The following AGBL4 variants were observed in gnomAD, a reference collection of about 807,000 sequenced individuals.
AGBL4 encodes the protein AGBL carboxypeptidase 4, also known as cytosolic carboxypeptidase 6.
In AGBL4, 58 loss-of-function variants were observed where a neutral mutation model predicts 66.4. The observed-to-expected ratio is 0.87, with a 90% CI of 0.71 to 1.09. AGBL4 has a LOEUF of 1.09. Ranked by LOEUF, AGBL4 falls within the 50% of genes least tolerant of loss-of-function variation. The pLI is 0.00. For missense variants in AGBL4, 579 were observed against 631.0 expected (o/e 0.92, Z 0.88); for synonymous variants, 234 against 222.9 (o/e 1.05, Z -0.44).
chr1:49,444,834 T>C (rs1184686902), intron 3 of AGBL4, among the ~76,000 whole-genome samples: 3 of 152,222 alleles, frequency 2.0e-5, no homozygotes, highest in Non-Finnish European at 4.4e-5. Flanking sequence ...TTGTTTTATA[T>C]ATTCTTTGTT....
intron 1 of AGBL4, among the ~76,000 whole-genome samples, chr1:49,980,064 T>C (rs945177951): frequency 6.6e-6 from 1 of 152,110 alleles, no homozygotes; most frequent in Non-Finnish European, 1.5e-5. Context: ...CAGTATATAA[T>C]ATATATACAA....
chr1:49,267,426 A>G (rs540891175), intron 3 of AGBL4, among the ~76,000 whole-genome samples: 1 of 152,172 alleles, frequency 6.6e-6, no homozygotes, highest in Non-Finnish European at 1.5e-5. Flanking sequence ...CACGCCTATA[A>G]TCCCAGCACT....
At chr1:48,830,009 G>T (rs1390104657) in intron 6 of AGBL4, among the ~76,000 whole-genome samples, 1 of 152,092 alleles carries the variant, frequency 6.6e-6, no homozygotes, top group Non-Finnish European at 1.5e-5. Flanking sequence ...TCAACTCAAG[G>T]CTTGGTACCC....
chr1:48,609,688 G>A (rs960303473), intron 9 of AGBL4, among the ~76,000 whole-genome samples: 1 of 152,184 alleles, frequency 6.6e-6, no homozygotes, highest in African/African-American at 2.4e-5. Context: ...CTCCCAAAGT[G>A]CTGGGATTAC....
intron 4 of AGBL4, among the ~76,000 whole-genome samples, chr1:49,098,426 A>G (rs1416687667): frequency 1.3e-5 from 2 of 152,238 alleles, no homozygotes; most frequent in African/African-American, 4.8e-5. Flanking sequence ...GGTTTAGGAC[A>G]GGGCTGGAAC....
chr1:49,924,109 A>G (rs1413554333), intron 1 of AGBL4, among the ~76,000 whole-genome samples: 2 of 152,238 alleles, frequency 1.3e-5, no homozygotes, highest in African/African-American at 4.8e-5. Flanking sequence ...AAAATGTGGT[A>G]CATATATACA....
intron 6 of AGBL4, among the ~76,000 whole-genome samples, chr1:48,856,290 G>A (rs1458923784): frequency 6.6e-6 from 1 of 152,154 alleles, no homozygotes; most frequent in Non-Finnish European, 1.5e-5. Flanking sequence ...GAAAAAAGAT[G>A]TATATAAAAC....
At chr1:49,934,988 A>T (rs1653794478) in intron 1 of AGBL4, among the ~76,000 whole-genome samples, 1 of 152,242 alleles carries the variant, frequency 6.6e-6, no homozygotes, top group Admixed American at 6.5e-5. Flanking sequence ...GGCACAGGAC[A>T]GTGGGTGCAG....
At chr1:49,849,717 G>A (rs1646258343) in intron 2 of AGBL4, among the ~76,000 whole-genome samples, 2 of 151,848 alleles carry the variant, frequency 1.3e-5, no homozygotes, top group African/African-American at 4.8e-5. Flanking sequence ...TTATTTATTT[G>A]GTGATTACAT....
chr1:49,822,236 C>A (rs1243950737), intron 2 of AGBL4, among the ~76,000 whole-genome samples: 1 of 151,960 alleles, frequency 6.6e-6, no homozygotes, highest in Non-Finnish European at 1.5e-5. Context: ...GGTATATTTC[C>A]ATCCGGGTCA....
chr1:49,288,538 T>C (rs1434675486), intron 3 of AGBL4, among the ~76,000 whole-genome samples: 5 of 152,148 alleles, frequency 3.3e-5, no homozygotes, highest in Non-Finnish European at 7.4e-5. Context: ...CAAAATTCTG[T>C]GCAATTTTCC....
chr1:49,793,707 A>G (rs961800931), intron 2 of AGBL4, among the ~76,000 whole-genome samples: 2 of 151,962 alleles, frequency 1.3e-5, no homozygotes, highest in African/African-American at 2.4e-5. Context: ...ACAGCTGAAC[A>G]TGCAAATCTG....
intron 1 of AGBL4, among the ~76,000 whole-genome samples, chr1:49,997,380 G>A (rs2148413338): frequency 6.6e-6 from 1 of 152,188 alleles, no homozygotes; most frequent in Middle Eastern, 3.4e-3. Context: ...CTTGCAAATG[G>A]ACACCAAAAG....
At chr1:49,106,561 G>A (rs1176906342) in intron 4 of AGBL4, among the ~76,000 whole-genome samples, 1 of 152,152 alleles carries the variant, frequency 6.6e-6, no homozygotes, top group Non-Finnish European at 1.5e-5. Flanking sequence ...CCTGCCCTAG[G>A]CATAGTTCAC....
rs1288364444 is a variant in AGBL4 at position 49,333,426 on chromosome 1, C to A, written c.283-87562G>T. ...AAGGGAGTCGGAGGTTGTAGTGAGC[C>A]GAGATCGTGCCACTGCACTCCAGCC... On this transcript the variant is annotated intron_variant, in intron 3 of 13. Transcript: ENST00000371839. Among the ~76,000 whole-genome samples, 4 of 152,084 alleles carry A rather than the reference C, an allele frequency of 2.6e-5. No individual in the cohort carries two copies. The East Asian group carries it at 5.8e-4, about 22-fold the overall frequency.
intron 3 of AGBL4, among the ~76,000 whole-genome samples, chr1:49,301,058 A>G (rs563133104): frequency 2.6e-5 from 4 of 152,324 alleles, no homozygotes; most frequent in African/African-American, 9.6e-5. Context: ...TTTGTGGCAT[A>G]TAATATGTGC....
intron 1 of AGBL4, among the ~76,000 whole-genome samples, chr1:49,959,608 T>G (rs1360332557): frequency 6.6e-6 from 1 of 152,110 alleles, no homozygotes; most frequent in Non-Finnish European, 1.5e-5. Flanking sequence ...GCAGCCAACA[T>G]GTGGAAAGCA....
intron 3 of AGBL4, among the ~76,000 whole-genome samples, chr1:49,282,757 G>C (rs983080173): frequency 6.6e-6 from 1 of 152,198 alleles, no homozygotes; most frequent in Non-Finnish European, 1.5e-5. Flanking sequence ...AGAAAGGGGT[G>C]ACAGACGCAC....
At chr1:49,011,240 C>G (rs1461515297) in intron 5 of AGBL4, among the ~76,000 whole-genome samples, 1 of 152,070 alleles carries the variant, frequency 6.6e-6, no homozygotes, top group Non-Finnish European at 1.5e-5. Flanking sequence ...AGACACTTCT[C>G]AAAAGAAGAT....
Sources: gnomAD v4.1 joint callset for allele counts (sites outside exome capture counted in the v4.1 genomes callset) on GRCh38, gnomAD v4.1.1 for gene constraint, MANE v1.5 for transcripts, NCBI Gene and HGNC (gene_info 2026-07-23, HGNC 2026-07-21) for gene names.